KAZN: variants seen among roughly 807,000 people sequenced by gnomAD.
KAZN encodes the protein kazrin.
KAZN carries 40 observed loss-of-function variants against 87.4 expected under a neutral mutation model. The ratio of observed to expected loss-of-function variants is 0.46; its 90% confidence interval spans 0.36 to 0.60. KAZN has a LOEUF of 0.60. Among genes scored for constraint, KAZN ranks in the 20% least tolerant of loss-of-function variants. The pLI, the probability that KAZN is intolerant of heterozygous loss-of-function variation, is 0.00. For missense variants in KAZN, 898 were observed against 1,073.9 expected, an observed-to-expected ratio of 0.84 and a Z score of 2.29; for synonymous variants, 466 against 458.3, an observed-to-expected ratio of 1.02 and a Z score of -0.22.
chr1:14,595,476 G>A (rs547012346), upstream of KAZN, among the ~76,000 whole-genome samples: 189 of 151,878 alleles, frequency 1.2e-3, 2 homozygotes, highest in African/African-American at 3.8e-3. Flanking sequence ...TCAGGAGTTC[G>A]AGACCAACCT....
chr1:14,107,202 G>T (rs1421016841), intron 1 of KAZN, among the ~76,000 whole-genome samples: 1 of 151,638 alleles, frequency 6.6e-6, no homozygotes, highest in Non-Finnish European at 1.5e-5. Context: ...TGAGAGGGCT[G>T]ATGTTTCCTG....
chr1:14,714,951 T>C (rs769480981), intron 1 of KAZN, among the ~76,000 whole-genome samples: 1 of 151,940 alleles, frequency 6.6e-6, no homozygotes, highest in Non-Finnish European at 1.5e-5. Context: ...CACACCATCA[T>C]GCCCAACTAA....
At chr1:14,681,209 G>C (rs182742526) in intron 1 of KAZN, among the ~76,000 whole-genome samples, 2 of 152,304 alleles carry the variant, frequency 1.3e-5, no homozygotes, top group African/African-American at 2.4e-5. Context: ...CATGAGGTTT[G>C]GGTGGGGACA....
rs553611271 is a variant in KAZN at position 15,044,870 on chromosome 1, G to T, written c.726+711G>T. On this transcript the variant is annotated intron_variant, in intron 4 of 14. Transcript: ENST00000376030. ...GGTAGCAACTTTTATTTATTTCTTT[G>T]TTTGTTTATTGGCCTCTTTTCAAAT... is the stretch of plus-strand genomic sequence containing the variant. 2.7e-5 allele frequency among the ~76,000 whole-genome samples: 4 copies of T among 148,380 alleles called. No homozygotes were observed. The East Asian group carries it at 7.7e-4, about 29-fold the overall frequency.
intron 5 of KAZN, among the ~76,000 whole-genome samples, chr1:15,057,092 T>C (rs930665663): frequency 7.2e-5 from 11 of 152,232 alleles, no homozygotes; most frequent in Admixed American, 5.9e-4. Context: ...TACAAGGGCC[T>C]GGCAGGCTGA....
At chr1:14,116,917 C>T (rs1461093626) in intron 1 of KAZN, among the ~76,000 whole-genome samples, 1 of 152,152 alleles carries the variant, frequency 6.6e-6, no homozygotes, top group Non-Finnish European at 1.5e-5. Flanking sequence ...ATTTGACTGC[C>T]CTGCTGGATT....
At chr1:14,367,419 T>C (rs901721462) in intron 2 of KAZN, among the ~76,000 whole-genome samples, 1 of 151,982 alleles carries the variant, frequency 6.6e-6, no homozygotes, top group African/African-American at 2.4e-5. Context: ...CAGCTGCTTC[T>C]CCTCTTCTCT....
chr1:14,222,593 T>A (rs1647129873), intron 2 of KAZN, among the ~76,000 whole-genome samples: 1 of 152,210 alleles, frequency 6.6e-6, no homozygotes, highest in Non-Finnish European at 1.5e-5. Context: ...GAAGTCACTA[T>A]GAGACCCCAT....
At chr1:14,772,131 C>G (rs764890906) in intron 1 of KAZN, among the ~76,000 whole-genome samples, 2 of 152,134 alleles carry the variant, frequency 1.3e-5, no homozygotes, top group Non-Finnish European at 2.9e-5. Context: ...TGTTTCCCTT[C>G]TCATCTTGCA....
chr1:14,465,265 GGA>G (rs2148356780), intron 2 of KAZN, among the ~76,000 whole-genome samples: 1 of 152,118 alleles, frequency 6.6e-6, no homozygotes, highest in Admixed American at 6.5e-5. Flanking sequence ...CAGGCATGGT[GGA>G]GGGCGCCTGT....
At chr1:14,411,102 G>A (rs534023024) in intron 2 of KAZN, among the ~76,000 whole-genome samples, 57 of 152,244 alleles carry the variant, frequency 3.7e-4, no homozygotes, top group African/African-American at 9.6e-4. Flanking sequence ...CCAGTGAAAC[G>A]GGAGAATGCC....
intron 1 of KAZN, among the ~76,000 whole-genome samples, chr1:14,653,102 CTGTTGAGGTCATAGGTGTT>C (rs982804756): frequency 7.9e-5 from 12 of 152,152 alleles, no homozygotes; most frequent in African/African-American, 2.9e-4. Context: ...GCTGATGCTG[CTGTTGAGGTCATAGGTGTT>C]TGTGGTCATT....
At chr1:14,607,834 G>C (rs1388863159) in intron 1 of KAZN, among the ~76,000 whole-genome samples, 4 of 152,198 alleles carry the variant, frequency 2.6e-5, no homozygotes, top group African/African-American at 9.6e-5. Context: ...CAGAACTGGG[G>C]AGGCAGAGTG....
At chr1:14,552,125 G>A (rs1673567515) in intron 2 of KAZN, among the ~76,000 whole-genome samples, 1 of 152,072 alleles carries the variant, frequency 6.6e-6, no homozygotes, top group Admixed American at 6.5e-5. Flanking sequence ...TACCCCTTTA[G>A]CCTAGAAATA....
rs1640901720 is a variant in KAZN at position 14,022,690 on chromosome 1, C to T, written c.91+128934C>T. Among the ~76,000 whole-genome samples, 5 of 152,064 alleles carry T rather than the reference C, an allele frequency of 3.3e-5. No homozygotes were observed. In the South Asian group the frequency reaches 8.3e-4, roughly 25 times the overall value. On this transcript the variant is annotated intron_variant, in intron 1 of 16. Coordinates refer to the KAZN transcript ENST00000636203. Reference sequence around the variant, plus strand: ...AGTGGTCTCATTGATAATGTGAACACAGAGCTGTTCTCTTTACATCTCTCC... The same window carrying T: ...AGTGGTCTCATTGATAATGTGAACATAGAGCTGTTCTCTTTACATCTCTCC...
rs202153364 is a variant in KAZN, at chr1:14,213,741, G to C, written c.249+33149G>C. ...TAAAAGGAACATTCTGACTATGTTG[G>C]GGGGAGACTAGTCTATGTGGGAGCA... is the stretch of plus-strand genomic sequence containing the variant. On this transcript the variant is annotated intron_variant, in intron 2 of 16. Coordinates refer to the KAZN transcript ENST00000636203. Among the ~76,000 whole-genome samples, 41 of 152,280 alleles carry C rather than the reference G, an allele frequency of 2.7e-4. 1 individual carries two copies. The highest frequency in any genetic ancestry group is 2.1e-4 in the Non-Finnish European group (14 of 68,024).
intron 1 of KAZN, among the ~76,000 whole-genome samples, chr1:14,664,779 G>A (rs1325869973): frequency 2.0e-5 from 3 of 149,928 alleles, no homozygotes; most frequent in African/African-American, 2.5e-5. Flanking sequence ...TCAGCCTCCC[G>A]AGTAGCTGGG....
chr1:14,858,203 C>CTTTTTTT (rs1388659468), intron 1 of KAZN, among the ~76,000 whole-genome samples: 42 of 95,058 alleles, frequency 4.4e-4, no homozygotes, highest in African/African-American at 1.8e-3. Context: ...TTTCTTTTTT[C>CTTTTTTT]TTTTTCTTTT....
rs555278052 is a variant in KAZN, at chr1:13,997,836, C to T, written c.91+104080C>T. On this transcript the variant is annotated intron_variant, in intron 1 of 16. Transcript: ENST00000636203. ...GGAGCACTTCCCCAACCCAGCAAGA[C>T]AGGCCAACATGCAAATTCAGAAAAT... Among the ~76,000 whole-genome samples the T allele has an allele frequency of 1.5e-4, 23 of 152,274 alleles. No homozygotes were observed. The South Asian group carries it at 4.4e-3, about 29-fold the overall frequency.
Sources: allele counts gnomAD v4.1 joint callset (sites outside exome capture counted in the v4.1 genomes callset), GRCh38; gene constraint gnomAD v4.1.1; transcripts MANE v1.5; gene names NCBI Gene and HGNC (gene_info 2026-07-23, HGNC 2026-07-21).